Variants in RSF1 observed in about 807,000 individuals in gnomAD.
RSF1 encodes remodeling and spacing factor 1.
In RSF1, 13 loss-of-function variants were observed where a neutral mutation model predicts 145.2. That is an observed-to-expected ratio of 0.09 (90% CI 0.06 to 0.14). RSF1 has a LOEUF of 0.14. Among genes scored for constraint, RSF1 ranks in the 10% least tolerant of loss-of-function variants. The pLI is 1.00. For synonymous variants in RSF1, 577 were observed against 592.6 expected (o/e 0.97, Z 0.38); for missense variants, 1,517 against 1,718.2 (o/e 0.88, Z 2.07).
chr11:77,673,871 T>A (rs1277482347), intron 14 of RSF1, among the ~76,000 whole-genome samples: 1 of 152,170 alleles, frequency 6.6e-6, no homozygotes, highest in East Asian at 1.9e-4. Context: ...ACAACTAGTA[T>A]GTACTCTTTA....
At chr11:77,741,119 A>G (rs953788222) in intron 3 of RSF1, among the ~76,000 whole-genome samples, 183 bp from the exon 4 acceptor site, 1 of 152,238 alleles carries the variant, frequency 6.6e-6, no homozygotes, top group Non-Finnish European at 1.5e-5. Context: ...ATATTTTAAG[A>G]TAACATTTTA....
the RSF1 span, among the ~76,000 whole-genome samples, chr11:77,826,379 G>A: frequency 2.6e-5 from 4 of 151,764 alleles, no homozygotes; most frequent in African/African-American, 9.7e-5. Flanking sequence ...AAAAGATGGG[G>A]GACAGCCTGT....
At chr11:77,725,424 T>C in intron 5 of RSF1, 121 bp downstream of exon 5, 1 of 834,698 alleles carries the variant, frequency 1.2e-6, no homozygotes, top group Non-Finnish European at 1.6e-6. Flanking sequence ...CAACCTCCTT[T>C]TATAAGAAGG....
chr11:77,868,878 C>A, the RSF1 span: 2 of 192,076 alleles, frequency 1.0e-5, no homozygotes. Flanking sequence ...TCACACATTT[C>A]AGGAAGCTCT....
intron 11 of RSF1, among the ~76,000 whole-genome samples, chr11:77,679,567 G>C (rs1404554523): frequency 6.6e-6 from 1 of 151,874 alleles, no homozygotes; most frequent in African/African-American, 2.4e-5. Flanking sequence ...CAGCTACTTG[G>C]GGGGCCGAGA....
intron 2 of RSF1, among the ~76,000 whole-genome samples, chr11:77,750,097 G>GT (rs1056820602): frequency 4.7e-5 from 7 of 149,364 alleles, no homozygotes; most frequent in African/African-American, 1.5e-4. Flanking sequence ...GCCATTTGAT[G>GT]TTAAAAAAAA....
chr11:77,735,072 C>A (rs77942147), intron 4 of RSF1: 2 of 1,129,184 alleles, frequency 1.8e-6, no homozygotes, highest in Non-Finnish European at 2.6e-6. Context: ...GGCTGCGTGG[C>A]GCTGGGGCGG....
intron 4 of RSF1, among the ~76,000 whole-genome samples, chr11:77,728,524 G>A (rs1459479858): frequency 6.7e-6 from 1 of 149,068 alleles, no homozygotes; most frequent in Admixed American, 6.7e-5. Context: ...AAAGGAAAGG[G>A]GAAAGGAAAG....
intron 6 of RSF1, 37 bp from the exon 7 acceptor site, chr11:77,698,730 T>C: frequency 6.5e-7 from 1 of 1,543,846 alleles, no homozygotes; most frequent in Admixed American, 1.7e-5. Flanking sequence ...TAATTTGATA[T>C]AAGAATGTCT....
chr11:77,712,497 T>C (rs1960711216), intron 5 of RSF1, among the ~76,000 whole-genome samples: 1 of 152,230 alleles, frequency 6.6e-6, no homozygotes, highest in Non-Finnish European at 1.5e-5. Context: ...ATTAAGGTGA[T>C]GTCAACTGGT....
intron 5 of RSF1, among the ~76,000 whole-genome samples, chr11:77,710,138 A>G (rs567164401): frequency 3.3e-5 from 5 of 152,256 alleles, no homozygotes; most frequent in African/African-American, 1.2e-4. Context: ...AAAAATAACT[A>G]TTAATCTCAC....
At chr11:77,798,638 T>C (rs1398374797) in intron 1 of RSF1, among the ~76,000 whole-genome samples, 1 of 77,396 alleles carries the variant, frequency 1.3e-5, no homozygotes, top group Admixed American at 1.5e-4. Flanking sequence ...ATATACACCA[T>C]GGAATACTAT....
At chr11:77,854,616 T>G in the RSF1 span, among the ~76,000 whole-genome samples, 1 of 152,224 alleles carries the variant, frequency 6.6e-6, no homozygotes. Context: ...TTCCCAAGGC[T>G]TTGGGCAGCT....
chr11:77,676,780 G>A lies in RSF1; in HGVS notation c.3341+12C>T. ...GTATCTAGGGATCGGGGCCTAGTAG[G>A]AGACCACACACCCATCACTGATCTT... On this transcript the variant is annotated intron_variant, in intron 13 of 15. Transcript: ENST00000308488. 1.9e-6 allele frequency: 3 copies of A among 1,610,424 alleles called. No individual in the cohort carries two copies. The highest frequency in any genetic ancestry group is 2.5e-6 in the Non-Finnish European group (3 of 1,177,486).
At position 77,662,224 on chromosome 11, in the gene RSF1, T is replaced by C. The variant is rs1466394330; in HGVS notation, c.*4693A>G. ...TAGTCATATTTTAAAGTTATTAAAATAAACATCTTCACTAACTGAAACCAT... is the reference window on the plus strand; with the variant it reads ...TAGTCATATTTTAAAGTTATTAAAACAAACATCTTCACTAACTGAAACCAT... On this transcript the variant is annotated 3_prime_UTR_variant, in exon 16 of 16. Transcript: ENST00000308488. The C allele has an allele frequency of 1.3e-5, 2 of 152,056 alleles. No homozygotes were observed. The highest frequency in any genetic ancestry group is 3.8e-4 in the East Asian group (2 of 5,208). The allele number at this position is 152,056 out of a possible 1,614,324, so 9.4% of individuals were successfully genotyped here.
At chr11:77,680,112 T>C (rs2135822950) in intron 11 of RSF1, among the ~76,000 whole-genome samples, 1 of 152,064 alleles carries the variant, frequency 6.6e-6, no homozygotes, top group African/African-American at 2.4e-5. Context: ...TTGAAGAGGG[T>C]GGGATTACGG....
At chr11:77,777,235 AC>A (rs1948351736) in intron 1 of RSF1, among the ~76,000 whole-genome samples, 1 of 152,186 alleles carries the variant, frequency 6.6e-6, no homozygotes, top group African/African-American at 2.4e-5. Context: ...TAACCATAAT[AC>A]CATTATGATA....
chr11:77,749,363 A>G (rs531307901), intron 2 of RSF1, among the ~76,000 whole-genome samples: 62 of 152,326 alleles, frequency 4.1e-4, no homozygotes, highest in African/African-American at 1.4e-3. Flanking sequence ...TGCAGAGTCC[A>G]GCTATGACCT....
intron 3 of RSF1, among the ~76,000 whole-genome samples, chr11:77,741,453 G>A (rs552327649): frequency 6.6e-6 from 1 of 152,170 alleles, no homozygotes; most frequent in African/African-American, 2.4e-5. Context: ...TGGGCTGGGA[G>A]GTTGAGGATG....
Sources: gnomAD v4.1 joint callset for allele counts (sites outside exome capture counted in the v4.1 genomes callset) on GRCh38, gnomAD v4.1.1 for gene constraint, MANE v1.5 for transcripts, NCBI Gene and HGNC (gene_info 2026-07-23, HGNC 2026-07-21) for gene names.